Variants in SH3RF3 observed in about 807,000 individuals in gnomAD.
The protein encoded by SH3RF3 is SH3 domain containing ring finger 3.
SH3RF3 carries 29 observed loss-of-function variants against 66.3 expected under a neutral mutation model. That is an observed-to-expected ratio of 0.44 (90% CI 0.33 to 0.60). SH3RF3 has a LOEUF of 0.60. SH3RF3 is among the 20% of genes least tolerant of loss of function. The pLI, the probability that SH3RF3 is intolerant of heterozygous loss-of-function variation, is 0.04. For synonymous variants in SH3RF3, 583 were observed against 532.0 expected, an observed-to-expected ratio of 1.10 and a Z score of -1.32; for missense variants, 1,194 against 1,190.9, an observed-to-expected ratio of 1.00 and a Z score of -0.04.
At chr2:109,377,006 T>G (rs1053234804) in intron 3 of SH3RF3, among the ~76,000 whole-genome samples, 7 of 152,192 alleles carry the variant, frequency 4.6e-5, no homozygotes, top group Non-Finnish European at 7.3e-5. Flanking sequence ...CAGGTCTGCT[T>G]AGGAAGGAAC....
intron 1 of SH3RF3, among the ~76,000 whole-genome samples, chr2:109,281,320 C>T (rs1193267490): frequency 1.3e-5 from 2 of 152,208 alleles, no homozygotes; most frequent in Non-Finnish European, 2.9e-5. Context: ...CTCTTCCTTC[C>T]CCGGGCCCCC....
At chr2:109,157,969 T>G (rs1430774261) in intron 1 of SH3RF3, among the ~76,000 whole-genome samples, 1 of 152,166 alleles carries the variant, frequency 6.6e-6, no homozygotes, top group African/African-American at 2.4e-5. Flanking sequence ...AGGGAGTACT[T>G]GCCTTACTAG....
At chr2:109,399,760 A>G (rs2104444043) in intron 4 of SH3RF3, among the ~76,000 whole-genome samples, 1 of 152,374 alleles carries the variant, frequency 6.6e-6, no homozygotes, top group South Asian at 2.1e-4. Context: ...CCCTTTATGA[A>G]TGCAGAGACT....
chr2:109,168,014 A>G (rs1677670408), intron 1 of SH3RF3, among the ~76,000 whole-genome samples: 1 of 152,214 alleles, frequency 6.6e-6, no homozygotes, highest in South Asian at 2.1e-4. Context: ...TAAATGTGGC[A>G]TGGGAGGGAA....
chr2:109,207,806 G>T (rs1323667670), intron 1 of SH3RF3, among the ~76,000 whole-genome samples: 4 of 152,054 alleles, frequency 2.6e-5, no homozygotes, highest in African/African-American at 9.7e-5. Flanking sequence ...AGTTTAAATG[G>T]CACAATTTTC....
intron 1 of SH3RF3, among the ~76,000 whole-genome samples, chr2:109,272,483 G>A (rs1182569953): frequency 2.0e-5 from 3 of 152,236 alleles, no homozygotes; most frequent in Non-Finnish European, 4.4e-5. Flanking sequence ...GACGCAGGGA[G>A]CCCCCTTCGC....
chr2:109,246,201 T>C (rs1679910733), intron 1 of SH3RF3, among the ~76,000 whole-genome samples: 3 of 152,220 alleles, frequency 2.0e-5, no homozygotes. Context: ...TGTAACAAAA[T>C]ACCGTAAACG....
At chr2:109,318,304 C>T (rs538849657) in intron 1 of SH3RF3, among the ~76,000 whole-genome samples, 1 of 152,052 alleles carries the variant, frequency 6.6e-6, no homozygotes, top group Admixed American at 6.5e-5. Context: ...CTCCTCCTAG[C>T]GTGACTGGCT....
At chr2:109,184,834 G>A (rs1281055472) in intron 1 of SH3RF3, among the ~76,000 whole-genome samples, 1 of 152,222 alleles carries the variant, frequency 6.6e-6, no homozygotes, top group African/African-American at 2.4e-5. Flanking sequence ...CAGTTACGTG[G>A]TTGTCCAGAA....
At chr2:109,270,144 C>A (rs891162133) in intron 1 of SH3RF3, among the ~76,000 whole-genome samples, 1 of 152,230 alleles carries the variant, frequency 6.6e-6, no homozygotes, top group East Asian at 1.9e-4. Context: ...TCTCAGCCCC[C>A]ACCTGGGGGT....
intron 1 of SH3RF3, among the ~76,000 whole-genome samples, chr2:109,310,686 A>G (rs1269592709): frequency 1.6e-4 from 10 of 61,180 alleles, no homozygotes; most frequent in Non-Finnish European, 1.8e-4. Flanking sequence ...CAGAAATACA[A>G]ACTACCATCA....
At chr2:109,379,839 G>A (rs968026492) in intron 3 of SH3RF3, among the ~76,000 whole-genome samples, 3 of 152,112 alleles carry the variant, frequency 2.0e-5, no homozygotes, top group Admixed American at 2.0e-4. Context: ...CCAGAAGGCA[G>A]GGACCAGGAA....
At chr2:109,237,321 C>T (rs1025051298) in intron 1 of SH3RF3, among the ~76,000 whole-genome samples, 7 of 152,102 alleles carry the variant, frequency 4.6e-5, no homozygotes, top group African/African-American at 9.7e-5. Context: ...AATGTTTGAT[C>T]TTGGTAATCA....
At chr2:109,279,865 G>C (rs2105339369) in intron 1 of SH3RF3, among the ~76,000 whole-genome samples, 1 of 152,202 alleles carries the variant, frequency 6.6e-6, no homozygotes, top group South Asian at 2.1e-4. Context: ...GCGAGGCTTA[G>C]GGTATGGGCC....
Position 109,501,694 on chromosome 2 carries a change from G to A in SH3RF3, c.*23G>A, listed in dbSNP as rs1325148273. 4 of 739,908 alleles carry A rather than the reference G, an allele frequency of 5.4e-6. No homozygotes were observed. Among genetic ancestry groups the A allele is most frequent in the South Asian group, 2.9e-5 (2 of 69,394 alleles). The allele number at this position is 739,908 out of a possible 1,614,324, so 45.8% of individuals were successfully genotyped here. A position where few individuals can be genotyped will look rare whatever the true frequency, so the allele number is the denominator to read the frequency against. On this transcript the variant is annotated 3_prime_UTR_variant, in exon 10 of 10. Transcript: ENST00000309415. ...TGAGAACTGGTGCTCCCTGCACCCA[G>A]CTCACAGAGGGGGAGGCCGCCTGGG...
At chr2:109,208,493 A>G (rs549477009) in intron 1 of SH3RF3, among the ~76,000 whole-genome samples, 2 of 152,326 alleles carry the variant, frequency 1.3e-5, no homozygotes, top group African/African-American at 4.8e-5. Flanking sequence ...GCTCCCAGTA[A>G]CAGTTACAGC....
intron 1 of SH3RF3, among the ~76,000 whole-genome samples, chr2:109,294,668 G>C (rs924147471): frequency 4.6e-5 from 7 of 152,150 alleles, no homozygotes; most frequent in Non-Finnish European, 1.0e-4. Flanking sequence ...GCACCCTGCT[G>C]GGTGATGTGG....
chr2:109,160,475 C>T (rs1010195346), intron 1 of SH3RF3, among the ~76,000 whole-genome samples: 3 of 152,216 alleles, frequency 2.0e-5, no homozygotes, highest in Non-Finnish European at 2.9e-5. Flanking sequence ...CCCAAGAGGA[C>T]GCAGCTGAAA....
At chr2:109,203,114 C>G (rs944747694) in intron 1 of SH3RF3, among the ~76,000 whole-genome samples, 6 of 152,134 alleles carry the variant, frequency 3.9e-5, no homozygotes, top group Non-Finnish European at 8.8e-5. Flanking sequence ...TGCACGGTGC[C>G]CTGGGCCTGT....
Sources: allele counts gnomAD v4.1 joint callset (sites outside exome capture counted in the v4.1 genomes callset), GRCh38; gene constraint gnomAD v4.1.1; transcripts MANE v1.5; gene names NCBI Gene and HGNC (gene_info 2026-07-23, HGNC 2026-07-21).